The following CSTPP1 variants were observed in gnomAD, a reference collection of about 807,000 sequenced individuals.
The protein encoded by CSTPP1 is centriolar satellite-associated tubulin polyglutamylase complex regulator 1.
At chr11:46,998,025 G>A in the CSTPP1 span, among the ~76,000 whole-genome samples, 2 of 152,182 alleles carry the variant, frequency 1.3e-5, no homozygotes. Context: ...CACTTGAGGA[G>A]GCAGTCTTTC....
At chr11:47,155,135 C>G in the CSTPP1 span, 2 of 1,505,516 alleles carry the variant, frequency 1.3e-6, no homozygotes, top group South Asian at 2.2e-5. Context: ...CCTTAAACCT[C>G]TCCCCCATTC....
At chr11:46,947,743 T>TACTATTATC in the CSTPP1 span, among the ~76,000 whole-genome samples, 3 of 152,192 alleles carry the variant, frequency 2.0e-5, no homozygotes, top group African/African-American at 7.2e-5. Flanking sequence ...GCCCCGAGAT[T>TACTATTATC]ACAGGTAATT....
chr11:47,090,011 C>T, the CSTPP1 span, among the ~76,000 whole-genome samples: 2 of 152,062 alleles, frequency 1.3e-5, no homozygotes, highest in South Asian at 2.1e-4. Flanking sequence ...AACGGAGTTT[C>T]GCTTTTGTTG....
chr11:47,091,831 CCT>C, the CSTPP1 span, among the ~76,000 whole-genome samples: 1 of 152,262 alleles, frequency 6.6e-6, no homozygotes, highest in African/African-American at 2.4e-5. Flanking sequence ...ATGAGGATAA[CCT>C]CTAGAAACTG....
the CSTPP1 span, among the ~76,000 whole-genome samples, chr11:47,115,473 T>TA: frequency 6.6e-6 from 1 of 152,198 alleles, no homozygotes; most frequent in South Asian, 2.1e-4. Context: ...TGGTAGGCTA[T>TA]TAATTATTTC....
chr11:47,103,309 A>AGG, the CSTPP1 span, among the ~76,000 whole-genome samples: 1 of 151,414 alleles, frequency 6.6e-6, no homozygotes, highest in East Asian at 1.9e-4. Flanking sequence ...CTGAGGTGGG[A>AGG]GGATTGCTTG....
the CSTPP1 span, among the ~76,000 whole-genome samples, chr11:46,998,242 T>G: frequency 6.6e-6 from 1 of 152,218 alleles, no homozygotes; most frequent in Admixed American, 6.5e-5. Flanking sequence ...TTTTAGAAGC[T>G]GTATACTGTG....
the CSTPP1 span, among the ~76,000 whole-genome samples, chr11:46,961,322 T>A: frequency 1.3e-5 from 2 of 152,232 alleles, no homozygotes; most frequent in Non-Finnish European, 2.9e-5. Flanking sequence ...TGATTAATGA[T>A]GTTGAGTGTC....
the CSTPP1 span, among the ~76,000 whole-genome samples, chr11:47,091,871 T>G: frequency 1.3e-5 from 2 of 152,202 alleles, no homozygotes. Flanking sequence ...GATTCTCCCC[T>G]AGAACCTCCA....
At chr11:46,960,078 G>C in the CSTPP1 span, among the ~76,000 whole-genome samples, 1 of 152,088 alleles carries the variant, frequency 6.6e-6, no homozygotes, top group African/African-American at 2.4e-5. Flanking sequence ...TGCTGGCCAG[G>C]CTGGTCTCGA....
At chr11:47,085,322 G>A in the CSTPP1 span, among the ~76,000 whole-genome samples, 3 of 152,042 alleles carry the variant, frequency 2.0e-5, no homozygotes, top group African/African-American at 7.2e-5. Context: ...CAATACTAAA[G>A]ACAATATTAA....
chr11:47,055,504 C>T, the CSTPP1 span, among the ~76,000 whole-genome samples: 1 of 152,004 alleles, frequency 6.6e-6, no homozygotes, highest in Admixed American at 6.6e-5. Flanking sequence ...TAAATAGCTA[C>T]TAAATATATA....
At chr11:47,003,750 T>A in the CSTPP1 span, among the ~76,000 whole-genome samples, 1 of 152,196 alleles carries the variant, frequency 6.6e-6, no homozygotes, top group Non-Finnish European at 1.5e-5. Context: ...GCTGCAACAA[T>A]AGATAATACT....
the CSTPP1 span, among the ~76,000 whole-genome samples, chr11:47,100,467 A>G: frequency 7.2e-5 from 11 of 152,348 alleles, no homozygotes; most frequent in African/African-American, 2.6e-4. Flanking sequence ...GGAAAAATTT[A>G]TGTCACACAT....
At chr11:46,980,039 T>C in the CSTPP1 span, among the ~76,000 whole-genome samples, 6 of 152,188 alleles carry the variant, frequency 3.9e-5, no homozygotes, top group South Asian at 2.1e-4. Context: ...TTACCCTTAA[T>C]TGACATCCCA....
At chr11:47,103,178 G>A in the CSTPP1 span, among the ~76,000 whole-genome samples, 2 of 151,934 alleles carry the variant, frequency 1.3e-5, no homozygotes, top group African/African-American at 4.8e-5. Context: ...TGGGAGGATC[G>A]CTTGAGCCCT....
the CSTPP1 span, among the ~76,000 whole-genome samples, chr11:47,116,825 G>A: frequency 1.3e-5 from 2 of 151,772 alleles, no homozygotes; most frequent in Non-Finnish European, 1.5e-5. Flanking sequence ...GACTACAGGC[G>A]CCTGCCACCA....
chr11:47,008,857 C>T, the CSTPP1 span, among the ~76,000 whole-genome samples: 1 of 151,848 alleles, frequency 6.6e-6, no homozygotes, highest in Non-Finnish European at 1.5e-5. Flanking sequence ...GGTGAAACCC[C>T]GTCTCTACTA....
the CSTPP1 span, among the ~76,000 whole-genome samples, chr11:47,048,814 G>T: frequency 1.6e-4 from 24 of 152,056 alleles, no homozygotes; most frequent in Admixed American, 1.5e-3. Flanking sequence ...AGTTGCAAAT[G>T]GTTAAATGAT....
Sources: allele counts gnomAD v4.1 joint callset (sites outside exome capture counted in the v4.1 genomes callset), GRCh38; gene constraint gnomAD v4.1.1; transcripts MANE v1.5; gene names NCBI Gene and HGNC (gene_info 2026-07-23, HGNC 2026-07-21).